PRPF18: variants seen among roughly 807,000 people sequenced by gnomAD.
PRPF18 encodes pre-mRNA processing factor 18.
PRPF18 carries 38 observed loss-of-function variants against 46.5 expected under a neutral mutation model. The observed-to-expected ratio is 0.82, with a 90% confidence interval of 0.63 to 1.07. The LOEUF is 1.07. Among genes scored for constraint, PRPF18 ranks in the 50% least tolerant of loss-of-function variants. PRPF18 has a pLI of 0.00. For synonymous variants in PRPF18, 152 were observed against 146.7 expected (o/e 1.04, Z -0.26); for missense variants, 263 against 410.0 (o/e 0.64, Z 3.10).
rs544148729 is a variant in PRPF18 at position 13,587,080 on chromosome 10, C to G, written c.-7C>G. 1.1e-4 allele frequency: 170 copies of G among 1,613,932 alleles called. No individual in the cohort carries two copies. The highest frequency in any genetic ancestry group is 1.4e-4 in the Non-Finnish European group (165 of 1,179,804). ...CGGGAAACTGGAGCTTAAATTCTGG[C>G]GGCGAGATGGACATTCTGAAATCAG... On this transcript the variant is annotated 5_prime_UTR_variant, in exon 1 of 10. Transcript: ENST00000378572.
chr10:13,638,169 A>C, the PRPF18 span: 3 of 152,256 alleles, frequency 2.0e-5, no homozygotes, highest in African/African-American at 7.2e-5. Flanking sequence ...AGAAAGAGAC[A>C]GACTTAGCTG....
intron 2 of PRPF18, among the ~76,000 whole-genome samples, chr10:13,599,438 T>C (rs2080075479): frequency 1.3e-5 from 2 of 152,246 alleles, no homozygotes; most frequent in African/African-American, 4.8e-5. Context: ...TTCAGCATTT[T>C]GGATTTATCT....
intron 9 of PRPF18, among the ~76,000 whole-genome samples, chr10:13,619,455 T>A (rs1301069153): frequency 6.6e-6 from 1 of 152,228 alleles, no homozygotes; most frequent in South Asian, 2.1e-4. Flanking sequence ...CCTCTTGATG[T>A]CTGGAGGCAT....
chr10:13,636,633 C>G, the PRPF18 span, among the ~76,000 whole-genome samples: 1 of 152,146 alleles, frequency 6.6e-6, no homozygotes, highest in Non-Finnish European at 1.5e-5. Flanking sequence ...TAGAGTATCA[C>G]ATCATGATAG....
intron 9 of PRPF18, among the ~76,000 whole-genome samples, chr10:13,628,098 C>A (rs994425290): frequency 1.3e-5 from 2 of 152,106 alleles, no homozygotes; most frequent in South Asian, 4.2e-4. Context: ...GGTCTTTATC[C>A]CAAAGCAAAT....
At chr10:13,612,893 G>T (rs763271404) in intron 6 of PRPF18, among the ~76,000 whole-genome samples, 3 of 151,980 alleles carry the variant, frequency 2.0e-5, no homozygotes, top group African/African-American at 7.3e-5. Context: ...TCTCTCTTTA[G>T]TGGTCTAGAT....
chr10:13,622,681 G>T (rs966997094), intron 9 of PRPF18, among the ~76,000 whole-genome samples: 1 of 152,206 alleles, frequency 6.6e-6, no homozygotes. Flanking sequence ...TATGCAGGCA[G>T]TTTGAGTTAG....
chr10:13,601,800 G>C (rs1477204869), intron 3 of PRPF18, among the ~76,000 whole-genome samples: 1 of 152,196 alleles, frequency 6.6e-6, no homozygotes, highest in Non-Finnish European at 1.5e-5. Flanking sequence ...GGTAATGCAT[G>C]AAGAGAACAG....
downstream of PRPF18, among the ~76,000 whole-genome samples, chr10:13,632,316 G>A (rs905625196): frequency 1.3e-5 from 2 of 152,114 alleles, no homozygotes; most frequent in African/African-American, 4.8e-5. Context: ...ACTCCAGCCT[G>A]GGCAACAGAG....
chr10:13,651,337 A>AAACTTACATTG, the PRPF18 span: 2 of 152,200 alleles, frequency 1.3e-5, no homozygotes, highest in East Asian at 3.8e-4. Flanking sequence ...TGGTGCTTTG[A>AAACTTACATTG]AACTTACATT....
chr10:13,644,532 C>G, the PRPF18 span: 5 of 152,298 alleles, frequency 3.3e-5, no homozygotes, highest in African/African-American at 1.2e-4. Context: ...TCTCTGTCCC[C>G]CAAGTTGAAA....
chr10:13,633,835 C>T (rs1177373236), downstream of PRPF18, among the ~76,000 whole-genome samples: 1 of 152,158 alleles, frequency 6.6e-6, no homozygotes, highest in African/African-American at 2.4e-5. Context: ...AGTACTTTCT[C>T]ACGGTATATT....
At chr10:13,587,787 G>T (rs1196023664) in intron 1 of PRPF18, among the ~76,000 whole-genome samples, 3 of 152,198 alleles carry the variant, frequency 2.0e-5, no homozygotes, top group African/African-American at 7.2e-5. Context: ...GCTTTCTCGC[G>T]TTCATAAGTC....
chr10:13,610,366 C>G (rs987025000), intron 5 of PRPF18, among the ~76,000 whole-genome samples, 181 bp downstream of exon 5: 1 of 152,222 alleles, frequency 6.6e-6, no homozygotes, highest in African/African-American at 2.4e-5. Context: ...CATTCCCCTA[C>G]TTCCTGCCTT....
In PRPF18 at chr10:13,597,675, T is replaced by A. The variant is rs373945941; in HGVS notation, c.144+140T>A. 684 of 1,599,284 alleles carry A rather than the reference T, an allele frequency of 4.3e-4. 1 individual carries two copies. Among genetic ancestry groups the A allele is most frequent in the Non-Finnish European group, 5.7e-4 (662 of 1,171,206 alleles). ...AAATGAGAAGCCATCTGGAGAGGTATGAGTTTTTGTTTTTGCATTTTTAAA... is the reference window on the plus strand; with the variant it reads ...AAATGAGAAGCCATCTGGAGAGGTAAGAGTTTTTGTTTTTGCATTTTTAAA... On this transcript the variant is annotated intron_variant, in intron 2 of 9. Transcript: ENST00000378572.
intron 9 of PRPF18, among the ~76,000 whole-genome samples, chr10:13,630,037 C>A (rs2080572565): frequency 6.6e-6 from 1 of 152,080 alleles, no homozygotes; most frequent in South Asian, 2.1e-4. Context: ...TGGGTTGTTA[C>A]CAGTTTTTTG....
In PRPF18 at chr10:13,610,147, A is replaced by G; in HGVS notation, c.472A>G (p.Lys158Glu). ...PGEEDTQNDL[K>E]VHEENTTIEE... is the part of the protein sequence containing the mutation. The stretch of plus-strand genomic sequence containing the variant: ...AGAGGAAGACACACAGAATGATCTG[A>G]AAGTTCATGAGGAAAACACCACAAT... The change falls in exon 5 of 10, where the codon AAA (lysine) becomes GAA (glutamate). Residue 158 changes from lysine (K) to glutamate (E), a missense_variant. This residue lies in a region of PRPF18 where 155 missense variants were observed against 245.1 expected (regional missense o/e 0.63). Coordinates refer to ENST00000378572, the MANE Select transcript of PRPF18 (RefSeq NM_003675.4). The G allele has an allele frequency of 1.2e-6, 2 of 1,614,130 alleles. No individual in the cohort carries two copies. Among genetic ancestry groups the G allele is most frequent in the Non-Finnish European group, 1.7e-6 (2 of 1,179,992 alleles).
intron 4 of PRPF18, among the ~76,000 whole-genome samples, chr10:13,606,360 T>TA (rs1374157544): frequency 4.6e-5 from 7 of 152,258 alleles, no homozygotes; most frequent in Admixed American, 2.6e-4. Context: ...TTATTGCAGA[T>TA]ACCACTGGTT....
the PRPF18 span, chr10:13,646,019 C>G: frequency 1.3e-5 from 2 of 152,384 alleles, no homozygotes; most frequent in Non-Finnish European, 2.9e-5. Context: ...GGCTGAACCC[C>G]CTGCATGGAC....
Sources: allele counts gnomAD v4.1 joint callset (sites outside exome capture counted in the v4.1 genomes callset), GRCh38; gene constraint gnomAD v4.1.1; regional missense constraint gnomAD v4.1.1; transcripts MANE v1.5; gene names NCBI Gene and HGNC (gene_info 2026-07-23, HGNC 2026-07-21).